TLK2: variants seen among roughly 807,000 people sequenced by gnomAD.
TLK2 encodes tousled like kinase 2.
TLK2 carries 6 observed loss-of-function variants against 117.3 expected under a neutral mutation model. That is an observed-to-expected ratio of 0.05 (90% CI 0.03 to 0.10). TLK2 has a LOEUF of 0.10. Among genes scored for constraint, TLK2 ranks in the 10% least tolerant of loss-of-function variants. The pLI, the probability that TLK2 is intolerant of heterozygous loss-of-function variation, is 1.00. For synonymous variants in TLK2, 257 were observed against 316.7 expected (o/e 0.81, Z 2.00); for missense variants, 299 against 901.2 (o/e 0.33, Z 8.56).
At chr17:62,554,768 A>T (rs1322043944) in intron 9 of TLK2, among the ~76,000 whole-genome samples, 1 of 151,902 alleles carries the variant, frequency 6.6e-6, no homozygotes, top group Non-Finnish European at 1.5e-5. Context: ...GGTCCCAGCT[A>T]CTGGGAGCGT....
chr17:62,476,419 T>A (rs748868973), upstream of TLK2, among the ~76,000 whole-genome samples: 1 of 151,754 alleles, frequency 6.6e-6, no homozygotes, highest in Non-Finnish European at 1.5e-5. Flanking sequence ...CCGTCTCTAC[T>A]AAAAACACAA....
At chr17:62,580,278 G>A (rs1281393399) in intron 15 of TLK2, 86 bp downstream of exon 15, 1 of 964,030 alleles carries the variant, frequency 1.0e-6, no homozygotes, top group Non-Finnish European at 1.5e-6. Flanking sequence ...ACTGATAATT[G>A]TAGGTTGATA....
Position 62,512,193 on chromosome 17 carries a change from C to T in TLK2, c.82-8580C>T, listed in dbSNP as rs187933907. The stretch of plus-strand genomic sequence containing the variant: ...GAACATCTTTTCTTGTGCTCATTAG[C>T]CATCTTTACATCACCCCTCCTTTTT... On this transcript the variant is annotated intron_variant, in intron 2 of 21. Transcript: ENST00000346027. Among the ~76,000 whole-genome samples, 6 of 146,600 alleles carry T rather than the reference C, an allele frequency of 4.1e-5. No homozygotes were observed. The East Asian group carries it at 1.2e-3, about 29-fold the overall frequency.
intron 1 of TLK2, among the ~76,000 whole-genome samples, chr17:62,480,477 G>T (rs1332278201): frequency 6.6e-6 from 1 of 152,198 alleles, no homozygotes; most frequent in Non-Finnish European, 1.5e-5. Flanking sequence ...GTCAGAAAAA[G>T]ATTTTTTAAA....
intron 6 of TLK2, among the ~76,000 whole-genome samples, chr17:62,535,174 C>CACAA (rs1478156779): frequency 1.3e-5 from 2 of 152,138 alleles, no homozygotes; most frequent in East Asian, 3.9e-4. Flanking sequence ...AGGCATGAGC[C>CACAA]ATTGTGCCTT....
At chr17:62,590,436 C>T (rs1268543546) in intron 16 of TLK2, among the ~76,000 whole-genome samples, 3 of 151,994 alleles carry the variant, frequency 2.0e-5, no homozygotes, top group Admixed American at 6.6e-5. Context: ...GAGCGAGACT[C>T]CGTCTCAAAA....
intron 7 of TLK2, among the ~76,000 whole-genome samples, chr17:62,545,862 C>T (rs974367584): frequency 2.1e-5 from 3 of 145,242 alleles, no homozygotes; most frequent in Non-Finnish European, 4.6e-5. Flanking sequence ...TGCCACCACG[C>T]CCGGCTGATT....
chr17:62,589,481 A>G (rs913261105), intron 16 of TLK2, among the ~76,000 whole-genome samples: 7 of 152,228 alleles, frequency 4.6e-5, no homozygotes, highest in African/African-American at 1.4e-4. Flanking sequence ...CTCTTGGATT[A>G]TAAGTTGAAA....
In TLK2 at chr17:62,488,449, A is replaced by AT. The variant is rs772932616; in HGVS notation, c.81+7246dup. ...TTTTAAAAATGTTTGTATGTCTTAC[A>AT]TTTAATTACATGCCTGACAATTCTC... On this transcript the variant is annotated intron_variant, in intron 2 of 21. Coordinates refer to ENST00000346027, the MANE Select transcript of TLK2 (RefSeq NM_006852.6). 4.0e-4 allele frequency among the ~76,000 whole-genome samples: 60 copies of AT among 151,764 alleles called. 1 individual carries two copies. Among genetic ancestry groups the AT allele is most frequent in the Non-Finnish European group, 1.0e-4 (7 of 68,042 alleles).
chr17:62,523,260 C>T, intron 5 of TLK2, 83 bp downstream of exon 5: 1 of 1,523,914 alleles, frequency 6.6e-7, no homozygotes, highest in Non-Finnish European at 8.8e-7. Context: ...AACCCTAAAT[C>T]CTTGTGTTCA....
At chr17:62,490,084 C>T (rs1358316381) in intron 2 of TLK2, among the ~76,000 whole-genome samples, 1 of 152,228 alleles carries the variant, frequency 6.6e-6, no homozygotes, top group Admixed American at 6.5e-5. Flanking sequence ...CCTGCCTTGG[C>T]CTCCGAAAGT....
intron 15 of TLK2, among the ~76,000 whole-genome samples, chr17:62,583,257 TA>T (rs1256303669): frequency 6.6e-6 from 1 of 152,116 alleles, no homozygotes; most frequent in Non-Finnish European, 1.5e-5. Context: ...CAAGCCCAGC[TA>T]TTTTTTTTGT....
chr17:62,612,702 C>T lies in TLK2; in HGVS notation c.*137C>T, dbSNP rs1038962561. On this transcript the variant is annotated 3_prime_UTR_variant, in exon 22 of 22. Coordinates refer to ENST00000346027, the MANE Select transcript of TLK2 (RefSeq NM_006852.6). ...GTGCTTTTATTTTCTTGCTTTTTTC[C>T]CATCCATAGAGCATGACAGCATCGA... 6.6e-6 allele frequency: 6 copies of T among 915,204 alleles called. No individual in the cohort carries two copies. The highest frequency in any genetic ancestry group is 9.4e-6 in the Non-Finnish European group (6 of 635,484). The allele number at this position is 915,204 out of a possible 1,614,324, so 56.7% of individuals were successfully genotyped here.
chr17:62,591,598 A>G (rs2082089652), intron 16 of TLK2, among the ~76,000 whole-genome samples: 2 of 152,196 alleles, frequency 1.3e-5, no homozygotes, highest in African/African-American at 2.4e-5. Flanking sequence ...GGAAAAACGT[A>G]AAGATGATGA....
intron 9 of TLK2, among the ~76,000 whole-genome samples, chr17:62,557,151 T>C (rs1361966861): frequency 6.6e-6 from 1 of 152,136 alleles, no homozygotes; most frequent in Non-Finnish European, 1.5e-5. Context: ...TCTTGAACTC[T>C]TGGGCTCAAG....
chr17:62,522,150 C>T, intron 3 of TLK2, 54 bp from the exon 4 acceptor site: 1 of 1,579,824 alleles, frequency 6.3e-7, no homozygotes, highest in South Asian at 1.2e-5. Context: ...GCTGTTTTTC[C>T]TAACGTGAAA....
chr17:62,549,411 A>T (rs1181809321), intron 7 of TLK2, among the ~76,000 whole-genome samples: 5 of 22,748 alleles, frequency 2.2e-4, no homozygotes, highest in Non-Finnish European at 3.6e-4. Context: ...AAAAAAAAAA[A>T]AAAAAAAAAA....
intron 2 of TLK2, among the ~76,000 whole-genome samples, chr17:62,489,904 C>T (rs2072924924): frequency 6.6e-6 from 1 of 152,148 alleles, no homozygotes; most frequent in African/African-American, 2.4e-5. Context: ...GATCTCATCT[C>T]ACTGCAACCT....
chr17:62,583,438 A>C (rs781773188), intron 15 of TLK2, among the ~76,000 whole-genome samples: 5 of 151,462 alleles, frequency 3.3e-5, no homozygotes, highest in Non-Finnish European at 7.4e-5. Context: ...TCTCTGTGAG[A>C]CTCTGCTTTC....
Sources: allele counts gnomAD v4.1 joint callset (sites outside exome capture counted in the v4.1 genomes callset), GRCh38; gene constraint gnomAD v4.1.1; transcripts MANE v1.5; gene names NCBI Gene and HGNC (gene_info 2026-07-23, HGNC 2026-07-21).